LHX9: variants seen among roughly 807,000 people sequenced by gnomAD.
The protein encoded by LHX9 is LIM homeobox 9.
A neutral mutation model predicts 36.5 loss-of-function variants in LHX9; 9 were observed. That is an observed-to-expected ratio of 0.25 (90% CI 0.15 to 0.43). The LOEUF (loss-of-function observed/expected upper bound fraction) is 0.43, where lower values mean the gene tolerates loss of function less well. Ranked by LOEUF, LHX9 falls within the 20% of genes least tolerant of loss-of-function variation. The probability of loss-of-function intolerance (pLI) is 1.00; values close to 1 mark genes in which losing one functional copy is unlikely to be tolerated. For missense variants in LHX9, 464 were observed against 526.4 expected, an observed-to-expected ratio of 0.88 and a Z score of 1.16; for synonymous variants, 211 against 212.1, an observed-to-expected ratio of 0.99 and a Z score of 0.04.
Position 197,932,516 on chromosome 1 carries a change from T to TG in LHX9, c.*3258dup, listed in dbSNP as rs1201436804. 1 of 152,150 alleles carries TG rather than the reference T, an allele frequency of 6.6e-6. No individual in the cohort carries two copies. Among genetic ancestry groups the TG allele is most frequent in the Non-Finnish European group, 1.5e-5 (1 of 67,962 alleles). The allele number at this position is 152,150 out of a possible 1,614,324, so 9.4% of individuals were successfully genotyped here. On this transcript the variant is annotated 3_prime_UTR_variant, in exon 5 of 5. Coordinates refer to ENST00000367387, the MANE Select transcript of LHX9 (RefSeq NM_020204.3). ...ATATGTCACCTCTAGTGTACACCTC[T>TG]GTATGATGACTTATCTTTGCTGTTT...
chr1:197,927,464 C>G, intron 3 of LHX9, 127 bp from the exon 4 acceptor site: 1 of 768,846 alleles, frequency 1.3e-6, no homozygotes, highest in Non-Finnish European at 2.3e-6. Context: ...AGATACTACT[C>G]ATAATTGGGT....
In LHX9 at chr1:197,921,966, G is replaced by C. The variant is rs1660005605; in HGVS notation, c.733+307G>C. Among the ~76,000 whole-genome samples, 1 of 152,132 alleles carries C rather than the reference G, an allele frequency of 6.6e-6. No homozygotes were observed. The highest frequency in any genetic ancestry group is 1.5e-5 in the Non-Finnish European group (1 of 68,030). ...TAGTTAATGAGCCCATTAGTTTCTG[G>C]CTCTCAGTTGGAGCAAAACAGCCCC... On this transcript the variant is annotated intron_variant, in intron 3 of 4. Transcript: ENST00000367387. This position sits in a 1 kb window ranked among gnomAD's most constrained non-coding sequence, Gnocchi z 4.6.
At position 197,917,538 on chromosome 1, in the gene LHX9, G is replaced by T; in HGVS notation, c.-286G>T. ...TTCCCATTAGTAACTCGATCTCTCA[G>T]AGCAGTAAGATTCGCCTTCTACGCC... On this transcript the variant is annotated 5_prime_UTR_variant, in exon 1 of 5. Coordinates refer to ENST00000367387, the MANE Select transcript of LHX9 (RefSeq NM_020204.3). The T allele has an allele frequency of 6.9e-7, 1 of 1,449,570 alleles. No individual in the cohort carries two copies. The allele number at this position is 1,449,570 out of a possible 1,614,324, so 89.8% of individuals were successfully genotyped here.
In LHX9 at chr1:197,931,648, C is replaced by T. The variant is rs552177419; in HGVS notation, c.*2389C>T. The T allele has an allele frequency of 2.9e-6, 1 of 344,996 alleles. No individual in the cohort carries two copies. Among genetic ancestry groups the T allele is most frequent in the Non-Finnish European group, 5.3e-6 (1 of 188,872 alleles). 21.4% of individuals were successfully genotyped at this position (344,996 alleles called of 1,614,324 possible). A position where few individuals can be genotyped will look rare whatever the true frequency, so the allele number is the denominator to read the frequency against. ...ATATGAAATGTTACACATTGTTGCA[C>T]AGGCAGTGTAATTCAACCTAGAAAT... On this transcript the variant is annotated 3_prime_UTR_variant, in exon 5 of 5. Transcript: ENST00000367387.
intron 3 of LHX9, among the ~76,000 whole-genome samples, chr1:197,925,629 C>T (rs1031706358): frequency 1.3e-5 from 2 of 152,096 alleles, no homozygotes; most frequent in Non-Finnish European, 2.9e-5. Context: ...CTGTTTCATC[C>T]ATTTGAGGAT....
Position 197,917,701 on chromosome 1 carries a change from C to T in LHX9, c.-123C>T, listed in dbSNP as rs1438914991. The T allele has an allele frequency of 7.0e-6, 11 of 1,581,974 alleles. No individual in the cohort carries two copies. The highest frequency in any genetic ancestry group is 9.4e-6 in the Non-Finnish European group (11 of 1,169,020). The stretch of plus-strand genomic sequence containing the variant: ...AGACCGATTTCCACTCCATCTGTTT[C>T]TTCTCCTCCTTTCTCTCCCTCTTTC... On this transcript the variant is annotated 5_prime_UTR_variant, in exon 1 of 5. Coordinates refer to ENST00000367387, the MANE Select transcript of LHX9 (RefSeq NM_020204.3).
At chr1:197,925,677 T>G (rs1198245668) in intron 3 of LHX9, among the ~76,000 whole-genome samples, 5 of 152,234 alleles carry the variant, frequency 3.3e-5, no homozygotes, top group Non-Finnish European at 7.3e-5. Flanking sequence ...GAACTTGACA[T>G]ATCCCCACTG....
upstream of LHX9, chr1:197,917,120 G>T (rs1421191361): frequency 3.4e-6 from 1 of 289,914 alleles, no homozygotes; most frequent in Non-Finnish European, 5.1e-6. Context: ...GTGTGTGCGC[G>T]CGCGCGCGCG....
chr1:197,929,142 G>A lies in LHX9; in HGVS notation c.1077G>A (p.Ala359=). 1 of 1,613,466 alleles carries A rather than the reference G, an allele frequency of 6.2e-7. No homozygotes were observed. Among genetic ancestry groups the A allele is most frequent in the South Asian group, 1.1e-5 (1 of 91,028 alleles). ...DSGALTPPGT[A]TTLTDLTNPT... is the part of the protein sequence containing the mutation. ...GAGCTCTCACTCCACCCGGCACTGC[G>A]ACCACTTTAACAGACCTGACCAATC... The change falls in exon 5 of 5, where the codon GCG becomes GCA. Residue 359 remains alanine, a synonymous_variant. Coordinates refer to ENST00000367387, the MANE Select transcript of LHX9 (RefSeq NM_020204.3).
At chr1:197,927,565 T>C in intron 3 of LHX9, 26 bp from the exon 4 acceptor site, 1 of 1,599,116 alleles carries the variant, frequency 6.3e-7, no homozygotes, top group Non-Finnish European at 8.6e-7. Context: ...CACTGAGCAG[T>C]TGTTTGTTCA....
Position 197,917,758 on chromosome 1 carries a change from A to C in LHX9, c.-66A>C. 1.2e-6 allele frequency: 2 copies of C among 1,610,690 alleles called. No individual in the cohort carries two copies. Among genetic ancestry groups the C allele is most frequent in the Non-Finnish European group, 1.7e-6 (2 of 1,178,938 alleles). On this transcript the variant is annotated 5_prime_UTR_variant, in exon 1 of 5. Transcript: ENST00000367387. Reference sequence around the variant, plus strand: ...TCCTCGAGCGTCTCTGCGCTCCTACAGGGCAGCCCTCTCTGGTCCCTTGCC... The same window carrying C: ...TCCTCGAGCGTCTCTGCGCTCCTACCGGGCAGCCCTCTCTGGTCCCTTGCC...
chr1:197,918,542 C>T, intron 1 of LHX9: 1 of 607,292 alleles, frequency 1.6e-6, no homozygotes. Flanking sequence ...GGGTTTCTGG[C>T]ATCCCGACTC....
At chr1:197,920,406 G>T (rs1354507929) in intron 2 of LHX9, among the ~76,000 whole-genome samples, 1 of 152,156 alleles carries the variant, frequency 6.6e-6, no homozygotes, top group Non-Finnish European at 1.5e-5. Flanking sequence ...CGAATACCAC[G>T]CACTCCCATC....
upstream of LHX9, chr1:197,916,760 AAG>A: frequency 1.4e-6 from 1 of 702,960 alleles, no homozygotes; most frequent in Middle Eastern, 2.3e-4. Context: ...AGGTGAGGCA[AAG>A]AGATGAATTG....
At chr1:197,919,902 G>C in intron 1 of LHX9, 70 bp from the exon 2 acceptor site, 3 of 1,536,010 alleles carry the variant, frequency 2.0e-6, no homozygotes, top group South Asian at 2.4e-5. Context: ...TGGTCTGCCT[G>C]GGGGAGAACC....
chr1:197,932,732 A>T lies in LHX9; in HGVS notation c.*3473A>T, dbSNP rs543827993. On this transcript the variant is annotated 3_prime_UTR_variant, in exon 5 of 5. Transcript: ENST00000367387. ...TTAAATTCTGGTAATCTAGGATAAA[A>T]TTACTTACTTGGTTTTTACCTTTTC... 1 of 152,052 alleles carries T rather than the reference A, an allele frequency of 6.6e-6. No homozygotes were observed. Among genetic ancestry groups the T allele is most frequent in the Non-Finnish European group, 1.5e-5 (1 of 67,926 alleles). The allele number at this position is 152,052 out of a possible 1,614,324, so 9.4% of individuals were successfully genotyped here.
In LHX9 at chr1:197,932,716, G is replaced by A. The variant is rs1192205083; in HGVS notation, c.*3457G>A. On this transcript the variant is annotated 3_prime_UTR_variant, in exon 5 of 5. Coordinates refer to ENST00000367387, the MANE Select transcript of LHX9 (RefSeq NM_020204.3). ...AAACAGCATAGTGAGATTAAATTCT[G>A]GTAATCTAGGATAAAATTACTTACT... 1 of 151,834 alleles carries A rather than the reference G, an allele frequency of 6.6e-6. No individual in the cohort carries two copies. The highest frequency in any genetic ancestry group is 1.5e-5 in the Non-Finnish European group (1 of 67,886). 9.4% of individuals were successfully genotyped at this position (151,834 alleles called of 1,614,324 possible).
At chr1:197,925,976 C>A (rs560821262) in intron 3 of LHX9, among the ~76,000 whole-genome samples, 1 of 152,168 alleles carries the variant, frequency 6.6e-6, no homozygotes, top group Non-Finnish European at 1.5e-5. Context: ...AATGAACTCA[C>A]CTGTTCTTTT....
chr1:197,924,595 C>T (rs1028372142), intron 3 of LHX9, among the ~76,000 whole-genome samples: 1 of 152,200 alleles, frequency 6.6e-6, no homozygotes, highest in Admixed American at 6.5e-5. Flanking sequence ...GTAATTTAAA[C>T]ATTAATTGAG....
Sources: gnomAD v4.1 joint callset for allele counts (sites outside exome capture counted in the v4.1 genomes callset) on GRCh38, gnomAD v4.1.1 for gene constraint, Gnocchi (gnomAD v3.1) non-coding constraint, MANE v1.5 for transcripts, NCBI Gene and HGNC (gene_info 2026-07-23, HGNC 2026-07-21) for gene names.